The following CNGB3 variants were observed in gnomAD, a reference collection of about 807,000 sequenced individuals.
The protein encoded by CNGB3 is cyclic nucleotide-gated channel beta-3.
CNGB3 carries 86 observed loss-of-function variants against 92.8 expected under a neutral mutation model. The ratio of observed to expected loss-of-function variants is 0.93; its 90% CI spans 0.78 to 1.11. The LOEUF (loss-of-function observed/expected upper bound fraction) is 1.11. Ranked by LOEUF, CNGB3 falls within the 50% of genes least tolerant of loss-of-function variation. CNGB3 has a pLI of 0.00. For synonymous variants in CNGB3, 333 were observed against 332.7 expected, an observed-to-expected ratio of 1.00 and a Z score of -0.01; for missense variants, 1,026 against 956.8, an observed-to-expected ratio of 1.07 and a Z score of -0.95.
intron 6 of CNGB3, chr8:86,657,741 T>TGTA (rs1397974948): frequency 1.9e-5 from 9 of 471,790 alleles, no homozygotes; most frequent in Non-Finnish European, 3.8e-5. Flanking sequence ...CTGCAGCTCC[T>TGTA]GCAGCTCCAG....
At chr8:86,596,821 A>G (rs1822181661) in intron 15 of CNGB3, among the ~76,000 whole-genome samples, 1 of 152,226 alleles carries the variant, frequency 6.6e-6, no homozygotes, top group Non-Finnish European at 1.5e-5. Flanking sequence ...TGTGGCACAT[A>G]TGCACCATGG....
intron 14 of CNGB3, among the ~76,000 whole-genome samples, chr8:86,609,841 A>AT (rs141374465): frequency 1.1e-4 from 17 of 149,114 alleles, no homozygotes; most frequent in Admixed American, 4.7e-4. Flanking sequence ...TCCTGTCCAC[A>AT]TTTTTTTTTT....
intron 13 of CNGB3, among the ~76,000 whole-genome samples, chr8:86,620,014 C>G (rs1338358798): frequency 6.6e-6 from 1 of 151,602 alleles, no homozygotes; most frequent in Non-Finnish European, 1.5e-5. Context: ...AGCTACCGCA[C>G]TGGGCCAGCT....
intron 17 of CNGB3, among the ~76,000 whole-genome samples, chr8:86,577,359 T>G (rs1336461073): frequency 6.6e-6 from 1 of 152,246 alleles, no homozygotes; most frequent in Non-Finnish European, 1.5e-5. Context: ...TAAACATTTG[T>G]GATCTATAGT....
At chr8:86,618,858 T>A (rs1272769883) in intron 13 of CNGB3, among the ~76,000 whole-genome samples, 1 of 152,170 alleles carries the variant, frequency 6.6e-6, no homozygotes, top group South Asian at 2.1e-4. Context: ...TGCATGTGAG[T>A]GCTAGAAAGC....
At chr8:86,723,915 G>A (rs1028494462) in intron 3 of CNGB3, among the ~76,000 whole-genome samples, 3 of 152,192 alleles carry the variant, frequency 2.0e-5, no homozygotes, top group Admixed American at 2.0e-4. Context: ...TATCCTAAGT[G>A]AACTAACACA....
At chr8:86,624,338 G>A (rs1219304420) in intron 13 of CNGB3, among the ~76,000 whole-genome samples, 1 of 152,228 alleles carries the variant, frequency 6.6e-6, no homozygotes, top group East Asian at 1.9e-4. Flanking sequence ...AGAATCACTT[G>A]AACCCGGGAG....
intron 15 of CNGB3, among the ~76,000 whole-genome samples, chr8:86,600,246 C>G (rs1822263031): frequency 1.3e-5 from 2 of 152,192 alleles, no homozygotes; most frequent in Admixed American, 6.5e-5. Context: ...TGTACACACT[C>G]TCTTCCTGGG....
chr8:86,669,305 T>C (rs2131617217), intron 4 of CNGB3, among the ~76,000 whole-genome samples: 1 of 152,266 alleles, frequency 6.6e-6, no homozygotes, highest in East Asian at 1.9e-4. Flanking sequence ...GTTGTATATC[T>C]TAAAGTATAC....
At chr8:86,711,543 A>G (rs1024917837) in intron 3 of CNGB3, among the ~76,000 whole-genome samples, 4 of 152,154 alleles carry the variant, frequency 2.6e-5, no homozygotes, top group Non-Finnish European at 5.9e-5. Context: ...GCAACAGGCA[A>G]CCGAGCTGTC....
In CNGB3 at chr8:86,606,348, G is replaced by A. The variant is rs998703203; in HGVS notation, c.1663-2137C>T. Reference sequence around the variant, plus strand: ...GTATTTATTGTAGAGACAGGGTTTTGCCATGTTGTCCAGGCTTGTCTTGAA... The same window carrying A: ...GTATTTATTGTAGAGACAGGGTTTTACCATGTTGTCCAGGCTTGTCTTGAA... On this transcript the variant is annotated intron_variant, in intron 14 of 17. Coordinates refer to ENST00000320005, the MANE Select transcript of CNGB3 (RefSeq NM_019098.5). Among the ~76,000 whole-genome samples the A allele has an allele frequency of 6.6e-6, 1 of 151,810 alleles. No homozygotes were observed. Among genetic ancestry groups the A allele is most frequent in the Non-Finnish European group, 1.5e-5 (1 of 67,968 alleles).
chr8:86,680,984 GC>G (rs2131627767), intron 3 of CNGB3, among the ~76,000 whole-genome samples: 1 of 152,194 alleles, frequency 6.6e-6, no homozygotes, highest in East Asian at 1.9e-4. Flanking sequence ...AAGGTAAACG[GC>G]TCCTACGCTT....
In CNGB3 at chr8:86,670,964, G is replaced by T. The variant is rs1456633980; in HGVS notation, c.473C>A (p.Pro158His). The T allele has an allele frequency of 2.5e-6, 4 of 1,612,378 alleles. No individual in the cohort carries two copies. Among genetic ancestry groups the T allele is most frequent in the Non-Finnish European group, 3.4e-6 (4 of 1,180,010 alleles). Reference protein sequence around the residue: ...KKLVEGDLSSPEASPQTAKPT... With the variant: ...KKLVEGDLSSHEASPQTAKPT... Reference sequence around the variant, plus strand: ...CTTACCAGTTTGTGGGCTGGCTTCGGGTGAGGAGAGATCTCCCTCTACCAA... The same window carrying T: ...CTTACCAGTTTGTGGGCTGGCTTCGTGTGAGGAGAGATCTCCCTCTACCAA... Residue 158 changes from proline (P) to histidine (H), a missense_variant, in exon 4 of 18, where the codon CCC becomes CAC. Pro to His is a moderately conservative substitution (Grantham distance 77). Coordinates refer to ENST00000320005, the MANE Select transcript of CNGB3 (RefSeq NM_019098.5).
At chr8:86,692,866 T>C (rs954358531) in intron 3 of CNGB3, among the ~76,000 whole-genome samples, 2 of 152,170 alleles carry the variant, frequency 1.3e-5, no homozygotes, top group Non-Finnish European at 2.9e-5. Context: ...TGGTGTATTT[T>C]GAGGTTTTGT....
At chr8:86,694,672 G>A (rs1464715457) in intron 3 of CNGB3, among the ~76,000 whole-genome samples, 1 of 150,940 alleles carries the variant, frequency 6.6e-6, no homozygotes, top group Admixed American at 6.6e-5. Context: ...GGGCGGCGGG[G>A]TAGAGGCGCT....
intron 13 of CNGB3, among the ~76,000 whole-genome samples, chr8:86,616,175 C>T (rs1822618837): frequency 6.6e-6 from 1 of 152,166 alleles, no homozygotes; most frequent in Admixed American, 6.5e-5. Flanking sequence ...AACATTTGAA[C>T]CAATCTAAAT....
At chr8:86,601,769 C>G (rs1316073512) in intron 15 of CNGB3, among the ~76,000 whole-genome samples, 1 of 152,100 alleles carries the variant, frequency 6.6e-6, no homozygotes, top group African/African-American at 2.4e-5. Context: ...TCCTGTTTCC[C>G]CATAACCACA....
At chr8:86,615,521 A>G (rs540560089) in intron 13 of CNGB3, among the ~76,000 whole-genome samples, 131 of 152,200 alleles carry the variant, frequency 8.6e-4, no homozygotes, top group Non-Finnish European at 1.5e-3. Context: ...CAAGATCGCT[A>G]GAACCTGGGA....
intron 3 of CNGB3, among the ~76,000 whole-genome samples, chr8:86,695,156 G>C (rs1413568003): frequency 3.3e-5 from 1 of 30,234 alleles, no homozygotes; most frequent in Non-Finnish European, 4.8e-5. Context: ...AACCAGTCAG[G>C]CGTGGCGGTG....
Sources: gnomAD v4.1 joint callset for allele counts (sites outside exome capture counted in the v4.1 genomes callset) on GRCh38, gnomAD v4.1.1 for gene constraint, MANE v1.5 for transcripts, NCBI Gene and HGNC (gene_info 2026-07-23, HGNC 2026-07-21) for gene names.